The following ATP1A2 variants were observed in gnomAD, a reference collection of about 807,000 sequenced individuals.
ATP1A2 encodes ATPase Na+/K+ transporting subunit alpha 2.
A neutral mutation model predicts 113.1 loss-of-function variants in ATP1A2; 56 were observed. That is an observed-to-expected ratio of 0.49 (90% CI 0.40 to 0.62). The LOEUF (loss-of-function observed/expected upper bound fraction) is 0.62, where lower values mean the gene tolerates loss of function less well. Among genes scored for constraint, ATP1A2 ranks in the 20% least tolerant of loss-of-function variants. The probability of loss-of-function intolerance (pLI) is 0.00; values close to 1 mark genes in which losing one functional copy is unlikely to be tolerated. For synonymous variants in ATP1A2, 490 were observed against 526.8 expected (o/e 0.93, Z 0.96); for missense variants, 712 against 1,357.8 (o/e 0.52, Z 7.47).
chr1:160,126,661 G>A (rs111767174), intron 7 of ATP1A2, among the ~76,000 whole-genome samples: 3 of 151,938 alleles, frequency 2.0e-5, no homozygotes, highest in African/African-American at 7.2e-5. Flanking sequence ...ATTAGAGATG[G>A]GGTCTCACTA....
intron 13 of ATP1A2, 127 bp downstream of exon 13, chr1:160,130,724 G>A (rs1651746324): frequency 1.5e-6 from 2 of 1,344,452 alleles, no homozygotes; most frequent in African/African-American, 2.9e-5. Flanking sequence ...CAGAGAAGAA[G>A]CTGTCCATCT....
chr1:160,141,265 G>A, intron 22 of ATP1A2, 29 bp from the exon 23 acceptor site: 2 of 1,613,776 alleles, frequency 1.2e-6, no homozygotes, highest in Non-Finnish European at 1.7e-6. Flanking sequence ...AGCTCATGCT[G>A]CAATCTCCAC....
Position 160,136,933 on chromosome 1 carries a change from G to A in ATP1A2, c.2742G>A (p.Thr914=), listed in dbSNP as rs201215311. The A allele has an allele frequency of 2.0e-5, 32 of 1,614,146 alleles. No individual in the cohort carries two copies. The East Asian group carries it at 3.3e-4, about 17-fold the overall frequency. The part of the protein sequence containing the change: ...TYEQRKVVEF[T]CHTAFFASIV... ...AGCAGCGGAAGGTGGTGGAGTTCACGTGCCACACGGCATTCTTTGCCAGCA... is the reference window on the plus strand; with the variant it reads ...AGCAGCGGAAGGTGGTGGAGTTCACATGCCACACGGCATTCTTTGCCAGCA... Residue 914 remains threonine, a synonymous_variant, in exon 20 of 23, where the codon ACG becomes ACA. Coordinates refer to ENST00000361216, the MANE Select transcript of ATP1A2 (RefSeq NM_000702.4).
rs1183043634 is a variant in ATP1A2 at position 160,130,522 on chromosome 1, G to A, written c.1752G>A (p.Gly584=). The change falls in exon 13 of 23, where the codon GGG becomes GGA. Residue 584 remains glycine, a synonymous_variant. Coordinates refer to ENST00000361216, the MANE Select transcript of ATP1A2 (RefSeq NM_000702.4). ...CCACGGAGAAGCTTTGCTTTGTGGG[G>A]CTCATGTCTATGATTGACCCTCCCC... The part of the protein sequence containing the change: ...NFPTEKLCFV[G]LMSMIDPPRA... 1 of 1,614,100 alleles carries A rather than the reference G, an allele frequency of 6.2e-7. No individual in the cohort carries two copies. The highest frequency in any genetic ancestry group is 1.3e-5 in the African/African-American group (1 of 74,916).
intron 6 of ATP1A2, among the ~76,000 whole-genome samples, 180 bp downstream of exon 6, chr1:160,124,610 G>C (rs911923383): frequency 6.6e-6 from 1 of 152,228 alleles, no homozygotes; most frequent in Admixed American, 6.5e-5. Context: ...CCTTGCATCT[G>C]TGTGTTATGA....
chr1:160,127,038 A>C (rs1361280956), intron 7 of ATP1A2, among the ~76,000 whole-genome samples: 3 of 152,046 alleles, frequency 2.0e-5, no homozygotes, highest in South Asian at 2.1e-4. Flanking sequence ...GGCTGGCTCC[A>C]ATGTGCATGC....
chr1:160,120,647 C>T (rs1386310442), intron 1 of ATP1A2, among the ~76,000 whole-genome samples: 1 of 152,238 alleles, frequency 6.6e-6, no homozygotes, highest in Non-Finnish European at 1.5e-5. Context: ...GAAGCCCAAG[C>T]ATTAAACCAC....
At position 160,141,548 on chromosome 1, in the gene ATP1A2, C is replaced by A; in HGVS notation, c.*226C>A. 1.6e-6 allele frequency: 1 copy of A among 606,766 alleles called. No homozygotes were observed. The highest frequency in any genetic ancestry group is 3.0e-6 in the Non-Finnish European group (1 of 335,802). 37.6% of individuals were successfully genotyped at this position (606,766 alleles called of 1,614,324 possible). A position where few individuals can be genotyped will look rare whatever the true frequency, so the allele number is the denominator to read the frequency against. On this transcript the variant is annotated 3_prime_UTR_variant, in exon 23 of 23. Transcript: ENST00000361216. ...TTAGACACTATGTGTTAGAGTCCCCCCGACCAGATCCTTTTCCATCCCACT... is the reference window on the plus strand; with the variant it reads ...TTAGACACTATGTGTTAGAGTCCCCACGACCAGATCCTTTTCCATCCCACT...
At position 160,136,993 on chromosome 1, in the gene ATP1A2, C is replaced by T. The variant is rs1651974408; in HGVS notation, c.2802C>T (p.Cys934=). The change falls in exon 20 of 23, where the codon TGC becomes TGT. Residue 934 remains cysteine, a synonymous_variant. Transcript: ENST00000361216. ...TGCAGTGGGCTGACCTCATCATCTG[C>T]AAGACCCGCCGCAACTCAGTCTTCC... ...VVVQWADLII[C]KTRRNSVFQQ... is the part of the protein sequence containing the mutation. The T allele has an allele frequency of 4.3e-6, 7 of 1,614,074 alleles. No individual in the cohort carries two copies. In the East Asian group the frequency reaches 1.3e-4, roughly 31 times the overall value.
intron 20 of ATP1A2, among the ~76,000 whole-genome samples, chr1:160,139,424 T>G (rs920721852): frequency 6.6e-6 from 1 of 152,198 alleles, no homozygotes; most frequent in African/African-American, 2.4e-5. Context: ...TGAATATACG[T>G]GCAATAGACA....
chr1:160,134,707 A>T, intron 14 of ATP1A2, 87 bp downstream of exon 14: 1 of 1,597,616 alleles, frequency 6.3e-7, no homozygotes, highest in Non-Finnish European at 8.6e-7. Context: ...GTATTTGGAT[A>T]GCATTTCTGG....
chr1:160,121,667 C>T (rs1284844177), intron 3 of ATP1A2, among the ~76,000 whole-genome samples: 2 of 152,198 alleles, frequency 1.3e-5, no homozygotes, highest in Non-Finnish European at 2.9e-5. Context: ...GTGATAGATG[C>T]GTTACATACA....
At chr1:160,134,137 A>C (rs535314502) in intron 13 of ATP1A2, among the ~76,000 whole-genome samples, 9 of 137,308 alleles carry the variant, frequency 6.6e-5, no homozygotes, top group Admixed American at 2.2e-4. Flanking sequence ...ATACACACAC[A>C]CACACATACC....
In ATP1A2 at chr1:160,135,676, C is replaced by T. The variant is rs936308905; in HGVS notation, c.2284+74C>T. ...CACCTCTGTTCCCTGTCCCTTTACC[C>T]CAGTTGAAGAATCATTCCACAACTC... is the stretch of plus-strand genomic sequence containing the variant. On this transcript the variant is annotated intron_variant, in intron 16 of 22. Coordinates refer to ENST00000361216, the MANE Select transcript of ATP1A2 (RefSeq NM_000702.4). The surrounding 1 kb of genome is among the most constrained non-coding windows in gnomAD (Gnocchi z 6.3). 6.2e-7 allele frequency: 1 copy of T among 1,611,462 alleles called. No individual in the cohort carries two copies. The highest frequency in any genetic ancestry group is 8.5e-7 in the Non-Finnish European group (1 of 1,179,278).
At chr1:160,119,382 T>C (rs1431461570) in intron 1 of ATP1A2, among the ~76,000 whole-genome samples, 1 of 150,818 alleles carries the variant, frequency 6.6e-6, no homozygotes, top group Non-Finnish European at 1.5e-5. Flanking sequence ...GAAAGCCTAG[T>C]GCAGACTTTG....
At chr1:160,132,416 C>T (rs763574248) in intron 13 of ATP1A2, among the ~76,000 whole-genome samples, 1 of 152,032 alleles carries the variant, frequency 6.6e-6, no homozygotes, top group Admixed American at 6.5e-5. Flanking sequence ...TGGGGAAGAA[C>T]TGGAGTCAGG....
At chr1:160,124,271 A>G (rs1651511797) in intron 5 of ATP1A2, 25 bp from the exon 6 acceptor site, 3 of 1,582,854 alleles carry the variant, frequency 1.9e-6, no homozygotes, top group Non-Finnish European at 1.7e-6. Flanking sequence ...CAAGCATTTC[A>G]TGAGCTGCCT....
Position 160,123,060 on chromosome 1 carries a change from TGTG to T in ATP1A2, c.178-150_178-148del, listed in dbSNP as rs375385809. On this transcript the variant is annotated intron_variant, in intron 3 of 22. Coordinates refer to ENST00000361216, the MANE Select transcript of ATP1A2 (RefSeq NM_000702.4). ...TGCATCACAAATGCCACCTCCTCCA[TGTG>T]GTCTCTCCTGATGGTCCCCCACCCC... Among the ~76,000 whole-genome samples the T allele has an allele frequency of 2.9e-4, 44 of 152,268 alleles. 1 individual carries two copies. In the East Asian group the frequency reaches 8.3e-3, roughly 29 times the overall value.
At chr1:160,125,280 G>GA (rs1267001604) in intron 7 of ATP1A2, 27 bp downstream of exon 7, 1 of 1,573,580 alleles carries the variant, frequency 6.4e-7, no homozygotes, top group South Asian at 1.1e-5. Context: ...CCCCCTGTAG[G>GA]AAAGAGTCTG....
Sources: allele counts gnomAD v4.1 joint callset (sites outside exome capture counted in the v4.1 genomes callset), GRCh38; gene constraint gnomAD v4.1.1; non-coding constraint Gnocchi (gnomAD v3.1); transcripts MANE v1.5; gene names NCBI Gene and HGNC (gene_info 2026-07-23, HGNC 2026-07-21).